The following GRAMD1B variants were observed in gnomAD, a reference collection of about 807,000 sequenced individuals.
GRAMD1B encodes the protein GRAM domain containing 1B.
GRAMD1B carries 37 observed loss-of-function variants against 99.7 expected under a neutral mutation model. That is an observed-to-expected ratio of 0.37 (90% CI 0.29 to 0.49). The LOEUF is 0.49. Ranked by LOEUF, GRAMD1B falls within the 20% of genes least tolerant of loss-of-function variation. GRAMD1B has a pLI of 0.98. For synonymous variants in GRAMD1B, 427 were observed against 387.6 expected (o/e 1.10, Z -1.19); for missense variants, 888 against 1,009.2 (o/e 0.88, Z 1.63).
intron 2 of GRAMD1B, among the ~76,000 whole-genome samples, chr11:123,538,076 G>A (rs1944141881): frequency 6.6e-6 from 1 of 152,166 alleles, no homozygotes; most frequent in Non-Finnish European, 1.5e-5. Flanking sequence ...CTACGAATGA[G>A]CACCTGTCTC....
chr11:123,411,193 A>C (rs561426261), intron 1 of GRAMD1B, among the ~76,000 whole-genome samples: 1 of 151,560 alleles, frequency 6.6e-6, no homozygotes. Flanking sequence ...TTTAGTAGAG[A>C]CGGTATTTCA....
chr11:123,581,994 G>A (rs1007664723), intron 3 of GRAMD1B, among the ~76,000 whole-genome samples: 6 of 152,232 alleles, frequency 3.9e-5, no homozygotes, highest in Admixed American at 2.0e-4. Flanking sequence ...TCCTCCCAGC[G>A]TCTTACACGA....
intron 2 of GRAMD1B, chr11:123,491,610 T>C: frequency 8.9e-6 from 3 of 336,512 alleles, no homozygotes; most frequent in African/African-American, 6.3e-5. Flanking sequence ...CATTTGGAGC[T>C]GTGGCTTGGG....
At chr11:123,522,472 C>A (rs532457313) in intron 2 of GRAMD1B, among the ~76,000 whole-genome samples, 2 of 152,148 alleles carry the variant, frequency 1.3e-5, no homozygotes, top group African/African-American at 2.4e-5. Flanking sequence ...GCGTGCCCTA[C>A]CACGCGTGGC....
chr11:123,435,095 T>C (rs1397476531), intron 1 of GRAMD1B, among the ~76,000 whole-genome samples: 1 of 152,234 alleles, frequency 6.6e-6, no homozygotes, highest in Admixed American at 6.5e-5. Context: ...CTTAAAAGTA[T>C]GAGGTTACAT....
chr11:123,608,827 C>G (rs1185283655), intron 12 of GRAMD1B, 25 bp downstream of exon 12: 3 of 1,382,352 alleles, frequency 2.2e-6, no homozygotes, highest in Non-Finnish European at 3.0e-6. Flanking sequence ...GACTGTACCC[C>G]CCATTCCTCC....
chr11:123,571,063 A>G (rs1343346356), intron 2 of GRAMD1B, among the ~76,000 whole-genome samples: 2 of 152,212 alleles, frequency 1.3e-5, no homozygotes, highest in Non-Finnish European at 2.9e-5. Flanking sequence ...GCTGCAGTCC[A>G]AGCAGGTGGA....
At chr11:123,358,872 G>A (rs1380570156) in intron 1 of GRAMD1B, 1 of 152,508 alleles carries the variant, frequency 6.6e-6, no homozygotes, top group Admixed American at 6.5e-5. Flanking sequence ...AGGGATCCGG[G>A]TGAAACTGGA....
chr11:123,615,424 C>T (rs1954224622), intron 17 of GRAMD1B, among the ~76,000 whole-genome samples: 1 of 152,244 alleles, frequency 6.6e-6, no homozygotes, highest in Admixed American at 6.5e-5. Flanking sequence ...TGGTGGCTCA[C>T]GCCTGTAATC....
intron 3 of GRAMD1B, among the ~76,000 whole-genome samples, chr11:123,583,142 T>G (rs530198783): frequency 6.6e-6 from 1 of 151,912 alleles, no homozygotes; most frequent in Admixed American, 6.5e-5. Flanking sequence ...CATGTGCACA[T>G]GTATTTGTGC....
intron 2 of GRAMD1B, among the ~76,000 whole-genome samples, chr11:123,539,146 T>G (rs1471129278): frequency 1.3e-5 from 2 of 151,998 alleles, no homozygotes; most frequent in East Asian, 3.9e-4. Context: ...GATCACTTGA[T>G]CCCAGGAGTT....
chr11:123,555,991 C>T (rs1205559916), intron 2 of GRAMD1B, among the ~76,000 whole-genome samples: 3 of 151,810 alleles, frequency 2.0e-5, no homozygotes, highest in Admixed American at 1.3e-4. Flanking sequence ...GCCTCGGCCT[C>T]CCAAAGTGCT....
At chr11:123,577,630 G>A in intron 3 of GRAMD1B, 53 bp downstream of exon 3, 1 of 1,352,072 alleles carries the variant, frequency 7.4e-7, no homozygotes, top group Non-Finnish European at 1.0e-6. Context: ...TGCGGGGAGC[G>A]ATATTGGGGT....
chr11:123,603,767 T>C (rs1255742521), intron 9 of GRAMD1B, among the ~76,000 whole-genome samples: 3 of 152,214 alleles, frequency 2.0e-5, no homozygotes, highest in Non-Finnish European at 4.4e-5. Context: ...TGGGAAAGTT[T>C]GGCAAAGATA....
At chr11:123,433,325 C>A (rs1948992426) in intron 1 of GRAMD1B, among the ~76,000 whole-genome samples, 3 of 152,066 alleles carry the variant, frequency 2.0e-5, no homozygotes, top group Admixed American at 2.0e-4. Flanking sequence ...TTGCAGTGAG[C>A]CAAGATCGCG....
chr11:123,581,747 C>T (rs116410894), intron 3 of GRAMD1B, among the ~76,000 whole-genome samples: 260 of 152,344 alleles, frequency 1.7e-3, no homozygotes, highest in Middle Eastern at 6.8e-3. Flanking sequence ...AAAGAGCAAA[C>T]ATTAGATATA....
intron 2 of GRAMD1B, among the ~76,000 whole-genome samples, chr11:123,489,052 G>A (rs1473406291): frequency 6.6e-6 from 1 of 152,078 alleles, no homozygotes; most frequent in Admixed American, 6.6e-5. Context: ...AGATTCAGGG[G>A]CCACTGGACT....
chr11:123,469,747 T>G, intron 1 of GRAMD1B, among the ~76,000 whole-genome samples: 1 of 147,554 alleles, frequency 6.8e-6, no homozygotes, highest in East Asian at 2.0e-4. Flanking sequence ...TTCTCTTTCT[T>G]TCTTTCTTTC....
At chr11:123,530,692 T>C (rs538816085) in intron 2 of GRAMD1B, among the ~76,000 whole-genome samples, 1 of 152,314 alleles carries the variant, frequency 6.6e-6, no homozygotes, top group Non-Finnish European at 1.5e-5. Flanking sequence ...CAAGATTCTT[T>C]CTGTAAGAGG....
Sources: gnomAD v4.1 joint callset for allele counts (sites outside exome capture counted in the v4.1 genomes callset) on GRCh38, gnomAD v4.1.1 for gene constraint, MANE v1.5 for transcripts, NCBI Gene and HGNC (gene_info 2026-07-23, HGNC 2026-07-21) for gene names.